Variants in LRIG1 observed in about 807,000 individuals in gnomAD.
LRIG1 encodes leucine-rich repeats and immunoglobulin-like domains protein 1.
LRIG1 carries 48 observed loss-of-function variants against 99.2 expected under a neutral mutation model. The observed-to-expected ratio is 0.48, with a 90% confidence interval of 0.38 to 0.62. LRIG1 has a LOEUF of 0.62. Ranked by LOEUF, LRIG1 falls within the 20% of genes least tolerant of loss-of-function variation. The probability of loss-of-function intolerance (pLI) is 0.00; values close to 1 mark genes in which losing one functional copy is unlikely to be tolerated. For synonymous variants in LRIG1, 772 were observed against 596.1 expected (o/e 1.29, Z -4.30); for missense variants, 1,646 against 1,434.4 (o/e 1.15, Z -2.38).
rs71616223 is a variant in LRIG1 at position 66,497,704 on chromosome 3, C to CAAAAAAAAAAAAAAAAAAAAAA, written c.218+2464_218+2485dup. 9.0e-5 allele frequency among the ~76,000 whole-genome samples: 8 copies of CAAAAAAAAAAAAAAAAAAAAAA among 89,266 alleles called. 4 individuals are homozygous for CAAAAAAAAAAAAAAAAAAAAAA. The highest frequency in any genetic ancestry group is 1.6e-4 in the Non-Finnish European group (8 of 50,434). 58.6% of individuals were successfully genotyped at this position (89,266 alleles called of 152,430 possible). On this transcript the variant is annotated intron_variant, in intron 1 of 18. Transcript: ENST00000273261. The stretch of plus-strand genomic sequence containing the variant: ...ACTTCCACATCAGACGCACTGTTTA[C>CAAAAAAAAAAAAAAAAAAAAAA]AAAAAAAAAAAAAAAAAAAAAAAAG...
intron 1 of LRIG1, among the ~76,000 whole-genome samples, chr3:66,467,018 A>G (rs1700487322): frequency 6.6e-6 from 1 of 152,212 alleles, no homozygotes; most frequent in East Asian, 1.9e-4. Context: ...ATGTTCTTTC[A>G]GCTAATCTGC....
chr3:66,499,106 T>G (rs1701293261), intron 1 of LRIG1, among the ~76,000 whole-genome samples: 1 of 152,212 alleles, frequency 6.6e-6, no homozygotes, highest in Non-Finnish European at 1.5e-5. Context: ...GTACTAATGG[T>G]TCTACAGAGA....
At chr3:66,398,031 G>T in intron 11 of LRIG1, 81 bp downstream of exon 11, 1 of 1,132,666 alleles carries the variant, frequency 8.8e-7, no homozygotes. Flanking sequence ...TTTAACAAGT[G>T]AGCATAATGC....
At chr3:66,482,195 G>C (rs1700867517) in intron 1 of LRIG1, among the ~76,000 whole-genome samples, 1 of 152,226 alleles carries the variant, frequency 6.6e-6, no homozygotes, top group Admixed American at 6.5e-5. Context: ...ATCTGTTTAA[G>C]AAGAACCCAA....
At chr3:66,462,630 T>A (rs1575709862) in intron 1 of LRIG1, 121 bp from the exon 2 acceptor site, 2 of 705,264 alleles carry the variant, frequency 2.8e-6, no homozygotes, top group East Asian at 5.4e-5. Context: ...CCCATGATCA[T>A]GTATTAAGTA....
At chr3:66,413,095 G>A in intron 5 of LRIG1, 81 bp from the exon 6 acceptor site, 1 of 1,532,580 alleles carries the variant, frequency 6.5e-7, no homozygotes, top group Admixed American at 1.7e-5. Flanking sequence ...TCCTGGCTAA[G>A]TTTCCAAGCC....
chr3:66,463,990 G>A lies in LRIG1; in HGVS notation c.219-1481C>T, dbSNP rs774660130. 5.3e-5 allele frequency among the ~76,000 whole-genome samples: 8 copies of A among 152,168 alleles called. No homozygotes were observed. The East Asian group carries it at 7.7e-4, about 15-fold the overall frequency. ...ACTGAAGGTGGTAATGCTTTAAACC[G>A]CATATTGAACTCAAGTGTGAGCTTG... On this transcript the variant is annotated intron_variant, in intron 1 of 18. Coordinates refer to ENST00000273261, the MANE Select transcript of LRIG1 (RefSeq NM_015541.3).
chr3:66,488,667 C>T (rs777201003), intron 1 of LRIG1, among the ~76,000 whole-genome samples: 53 of 152,010 alleles, frequency 3.5e-4, no homozygotes, highest in Non-Finnish European at 5.3e-4. Flanking sequence ...CTAGGCTGTA[C>T]ATGTTAATTG....
Position 66,407,370 on chromosome 3 carries a change from C to T in LRIG1, c.1057G>A (p.Gly353Arg). 1.2e-6 allele frequency: 2 copies of T among 1,614,062 alleles called. No homozygotes were observed. Among genetic ancestry groups the T allele is most frequent in the Non-Finnish European group, 1.7e-6 (2 of 1,180,018 alleles). The change falls in exon 8 of 19, where the codon GGA becomes AGA. Residue 353 changes from glycine (G) to arginine (R), a missense_variant. Physicochemically the swap from Gly to Arg is moderately radical, Grantham distance 125. Coordinates refer to ENST00000273261, the MANE Select transcript of LRIG1 (RefSeq NM_015541.3). ...ISHIAEGAFK[G>R]LRSLRVLDLD... ...TACAAGACTCGCAGGCTCCTGAGTC[C>T]CTTGAAGGCACCCTCCGCAATGTGG... is the stretch of plus-strand genomic sequence containing the variant.
intron 1 of LRIG1, among the ~76,000 whole-genome samples, chr3:66,484,930 G>A (rs980397303): frequency 3.9e-5 from 6 of 152,070 alleles, no homozygotes; most frequent in Admixed American, 6.5e-5. Context: ...CGAGGCCAGC[G>A]ATTGCTTGAG....
intron 1 of LRIG1, among the ~76,000 whole-genome samples, chr3:66,469,646 A>G (rs1375813042): frequency 6.6e-6 from 1 of 152,194 alleles, no homozygotes; most frequent in East Asian, 1.9e-4. Context: ...TTTTCCCTCT[A>G]GCACCCAACA....
In LRIG1 at chr3:66,495,906, G is replaced by C. The variant is rs563369282; in HGVS notation, c.218+4284C>G. Among the ~76,000 whole-genome samples the C allele has an allele frequency of 2.0e-5, 3 of 152,306 alleles. No individual in the cohort carries two copies. In the South Asian group the frequency reaches 6.2e-4, roughly 32 times the overall value. ...CTTTCATTGTGATCATGGTGTCTGA[G>C]GGAGAGAAAGGTCAGCCAGAGGCCG... On this transcript the variant is annotated intron_variant, in intron 1 of 18. Coordinates refer to ENST00000273261, the MANE Select transcript of LRIG1 (RefSeq NM_015541.3).
intron 2 of LRIG1, among the ~76,000 whole-genome samples, chr3:66,455,658 G>A (rs1700198623): frequency 6.6e-6 from 1 of 152,200 alleles, no homozygotes; most frequent in Non-Finnish European, 1.5e-5. Context: ...GTTGGGCAGT[G>A]CGTTGAAACT....
At position 66,417,283 on chromosome 3, in the gene LRIG1, G is replaced by A. The variant is rs779190268; in HGVS notation, c.366-17C>T. The A allele has an allele frequency of 6.2e-7, 1 of 1,607,250 alleles. No individual in the cohort carries two copies. Among genetic ancestry groups the A allele is most frequent in the South Asian group, 1.1e-5 (1 of 90,822 alleles). On this transcript the variant is annotated splice_polypyrimidine_tract_variant and intron_variant, in intron 3 of 18. Transcript: ENST00000273261. ...TTGTGCTGCCTGAAACACAACAAGG[G>A]AGGTGACTTGAGCATCTCTTTTTGC...
chr3:66,435,663 AC>A (rs1703330564), intron 3 of LRIG1, among the ~76,000 whole-genome samples: 1 of 152,202 alleles, frequency 6.6e-6, no homozygotes, highest in Non-Finnish European at 1.5e-5. Context: ...TTGCAATGAT[AC>A]AAATATTCTG....
intron 11 of LRIG1, among the ~76,000 whole-genome samples, chr3:66,394,497 T>G (rs1382433667): frequency 6.6e-6 from 1 of 152,222 alleles, no homozygotes; most frequent in Non-Finnish European, 1.5e-5. Flanking sequence ...GGACCGCAAC[T>G]GGAGCAGCAG....
At chr3:66,479,482 T>C (rs1365191196) in intron 1 of LRIG1, among the ~76,000 whole-genome samples, 2 of 152,098 alleles carry the variant, frequency 1.3e-5, no homozygotes, top group African/African-American at 2.4e-5. Flanking sequence ...GTCTTAAAAA[T>C]AAAAACTCTT....
At position 66,383,230 on chromosome 3, in the gene LRIG1, A is replaced by G; in HGVS notation, c.2243T>C (p.Leu748Pro). Reference protein sequence around the residue: ...RHHLTPDNQLLVVQNVVAEDA... With the variant: ...RHHLTPDNQLPVVQNVVAEDA... ...CTCTGCCACCACGTTCTGAACCACC[A>G]GGAGCTGGTTGTCAGGGGTCAAGTG... Residue 748 changes from leucine (L) to proline (P), a missense_variant, in exon 15 of 19, where the codon CTG becomes CCG. Physicochemically the swap from Leu to Pro is moderately conservative, Grantham distance 98. Transcript: ENST00000273261. The G allele has an allele frequency of 6.2e-7, 1 of 1,614,194 alleles. No homozygotes were observed. Among genetic ancestry groups the G allele is most frequent in the South Asian group, 1.1e-5 (1 of 91,082 alleles).
In LRIG1 at chr3:66,405,836, G is replaced by A; in HGVS notation, c.1080-558C>T. ...TCTGAGCCAGGGAGGACATCTGGGT[G>A]CTGAGTCAGACTTGTGACCCACTCG... On this transcript the variant is annotated intron_variant, in intron 8 of 18. Coordinates refer to ENST00000273261, the MANE Select transcript of LRIG1 (RefSeq NM_015541.3). 3 of 1,133,998 alleles carry A rather than the reference G, an allele frequency of 2.6e-6. No individual in the cohort carries two copies. The South Asian group carries it at 5.8e-5, about 22-fold the overall frequency. The allele number at this position is 1,133,998 out of a possible 1,614,324, so 70.2% of individuals were successfully genotyped here.
Sources: gnomAD v4.1 joint callset for allele counts (sites outside exome capture counted in the v4.1 genomes callset) on GRCh38, gnomAD v4.1.1 for gene constraint, MANE v1.5 for transcripts, NCBI Gene and HGNC (gene_info 2026-07-23, HGNC 2026-07-21) for gene names.